RNF145: variants seen among roughly 807,000 people sequenced by gnomAD.
The protein encoded by RNF145 is ring finger protein 145.
RNF145 carries 12 observed loss-of-function variants against 57.3 expected under a neutral mutation model. The ratio of observed to expected loss-of-function variants is 0.21; its 90% CI spans 0.13 to 0.34. The LOEUF (loss-of-function observed/expected upper bound fraction) is 0.34, where lower values mean the gene tolerates loss of function less well. RNF145 is among the 10% of genes least tolerant of loss of function. The pLI is 1.00. For missense variants in RNF145, 429 were observed against 799.0 expected, an observed-to-expected ratio of 0.54 and a Z score of 5.58; for synonymous variants, 262 against 288.3, an observed-to-expected ratio of 0.91 and a Z score of 0.92.
chr5:159,209,724 G>T, upstream of RNF145: 1 of 1,101,342 alleles, frequency 9.1e-7, no homozygotes, highest in Non-Finnish European at 1.3e-6. Context: ...CATACAGCCC[G>T]GCTCGGGTGG....
Position 159,161,291 on chromosome 5 carries a change from T to C in RNF145, c.1601A>G (p.Asn534Ser), listed in dbSNP as rs145440300. Reference protein sequence around the residue: ...IATKEQLEKHNDICAICYQDM... With the variant: ...IATKEQLEKHSDICAICYQDM... ...CTGATAACAGATGGCACAAATATCATTGTGTTTCTCAAGCTGCTCTTTCGT... is the reference window on the plus strand; with the variant it reads ...CTGATAACAGATGGCACAAATATCACTGTGTTTCTCAAGCTGCTCTTTCGT... The change falls in exon 10 of 11, where the codon AAT (asparagine) becomes AGT (serine). Residue 534 changes from asparagine to serine, a missense_variant. By Grantham distance (46) the Asn-to-Ser change is conservative. Around this residue, in one of 4 missense-constraint regions of RNF145, gnomAD observed 216 missense variants for 457.6 expected, o/e 0.47. Coordinates refer to ENST00000424310, the MANE Select transcript of RNF145 (RefSeq NM_001199383.2). 10 of 1,611,038 alleles carry C rather than the reference T, an allele frequency of 6.2e-6. No individual in the cohort carries two copies. The highest frequency in any genetic ancestry group is 4.0e-5 in the African/African-American group (3 of 74,890).
chr5:159,185,473 ATTC>A (rs1423964892), intron 3 of RNF145, among the ~76,000 whole-genome samples: 34 of 152,370 alleles, frequency 2.2e-4, no homozygotes, highest in Non-Finnish European at 4.1e-4. Context: ...GGCATTGAGA[ATTC>A]TTGGTAAATC....
Position 159,165,407 on chromosome 5 carries a change from G to A in RNF145, c.1122-2328C>T, listed in dbSNP as rs1784360021. On this transcript the variant is annotated intron_variant, in intron 8 of 10. Transcript: ENST00000424310. Reference sequence around the variant, plus strand: ...AACATAAAAATAATATCCTGGCCGGGCGCGGTGGCTCACGCCTGTAATCCC... The same window carrying A: ...AACATAAAAATAATATCCTGGCCGGACGCGGTGGCTCACGCCTGTAATCCC... Among the ~76,000 whole-genome samples the A allele has an allele frequency of 1.9e-4, 2 of 10,598 alleles. 1 individual carries two copies. The highest frequency in any genetic ancestry group is 3.1e-4 in the Non-Finnish European group (2 of 6,498). 7.0% of individuals were successfully genotyped at this position (10,598 alleles called of 152,430 possible). A position where few individuals can be genotyped will look rare whatever the true frequency, so the allele number is the denominator to read the frequency against.
At chr5:159,206,459 C>T (rs991931972) in intron 1 of RNF145, among the ~76,000 whole-genome samples, 1 of 152,174 alleles carries the variant, frequency 6.6e-6, no homozygotes, top group African/African-American at 2.4e-5. Context: ...TTACACTACA[C>T]TTTAGCACCA....
At chr5:159,204,999 T>C (rs1053478396) in intron 1 of RNF145, among the ~76,000 whole-genome samples, 2 of 152,290 alleles carry the variant, frequency 1.3e-5, no homozygotes, top group Admixed American at 6.5e-5. Flanking sequence ...CAGAAAATTA[T>C]AGTGACAGAT....
chr5:159,161,639 AAT>A lies in RNF145; in HGVS notation c.1270-19_1270-18del. On this transcript the variant is annotated intron_variant, in intron 9 of 10. Coordinates refer to ENST00000424310, the MANE Select transcript of RNF145 (RefSeq NM_001199383.2). The stretch of plus-strand genomic sequence containing the variant: ...TCCCAGAACCTGAAAAAAAAAAAAA[AAT>A]GTACGTATCTTGAAATATGATCACT... 7 of 1,302,384 alleles carry A rather than the reference AAT, an allele frequency of 5.4e-6. No homozygotes were observed. In the East Asian group the frequency reaches 1.2e-4, roughly 21 times the overall value. 80.7% of individuals were successfully genotyped at this position (1,302,384 alleles called of 1,614,324 possible). A position where few individuals can be genotyped will look rare whatever the true frequency, so the allele number is the denominator to read the frequency against.
intron 6 of RNF145, among the ~76,000 whole-genome samples, chr5:159,170,384 A>G (rs1784507406): frequency 6.6e-6 from 1 of 152,170 alleles, no homozygotes; most frequent in Admixed American, 6.5e-5. Flanking sequence ...ATGCCCAATA[A>G]TTTGCTCCAA....
At chr5:159,200,575 A>T (rs1337739798) in intron 2 of RNF145, among the ~76,000 whole-genome samples, 1 of 152,212 alleles carries the variant, frequency 6.6e-6, no homozygotes, top group Non-Finnish European at 1.5e-5. Context: ...AAAAATAGTA[A>T]GATAAAATAC....
intron 3 of RNF145, 22 bp from the exon 4 acceptor site, chr5:159,182,073 A>G: frequency 7.2e-7 from 1 of 1,382,620 alleles, no homozygotes; most frequent in South Asian, 1.2e-5. Context: ...AATTGATTAG[A>G]ATGTATATAT....
chr5:159,168,276 A>T (rs1322952990), intron 8 of RNF145, among the ~76,000 whole-genome samples: 2 of 152,176 alleles, frequency 1.3e-5, no homozygotes. Flanking sequence ...AGAGAGTTTA[A>T]AATTTTACTG....
intron 1 of RNF145, chr5:159,207,370 A>G: frequency 1.4e-6 from 1 of 725,606 alleles, no homozygotes; most frequent in Non-Finnish European, 2.2e-6. Context: ...TTTTTTTAAA[A>G]AGACAAAGAA....
intron 4 of RNF145, among the ~76,000 whole-genome samples, chr5:159,181,670 G>GAGC (rs1784897146): frequency 6.6e-6 from 1 of 151,604 alleles, no homozygotes; most frequent in East Asian, 1.9e-4. Context: ...ATCTTTCAAA[G>GAGC]TAATAATTAG....
At chr5:159,209,965 ACTC>A, upstream of RNF145, 3 of 1,471,972 alleles carry the variant, frequency 2.0e-6, no homozygotes, top group South Asian at 2.4e-5. Flanking sequence ...TAGACTGTAA[ACTC>A]CTTGGCGTCT....
At chr5:159,184,399 A>C (rs1057380439) in intron 3 of RNF145, among the ~76,000 whole-genome samples, 1 of 152,246 alleles carries the variant, frequency 6.6e-6, no homozygotes, top group East Asian at 1.9e-4. Context: ...TACTGAATAC[A>C]TAAGTGCTGG....
At chr5:159,173,231 T>C (rs1043687673) in intron 6 of RNF145, among the ~76,000 whole-genome samples, 2 of 150,258 alleles carry the variant, frequency 1.3e-5, no homozygotes, top group African/African-American at 4.9e-5. Context: ...CACTATGAGA[T>C]TTTTTTTTTG....
At chr5:159,206,962 A>C (rs1400620762) in intron 1 of RNF145, among the ~76,000 whole-genome samples, 12 of 72,572 alleles carry the variant, frequency 1.7e-4, no homozygotes, top group Non-Finnish European at 4.2e-4. Flanking sequence ...AAAACAAACC[A>C]AAAAAAAAAA....
At chr5:159,173,132 A>T (rs1243747783) in intron 6 of RNF145, among the ~76,000 whole-genome samples, 1 of 152,204 alleles carries the variant, frequency 6.6e-6, no homozygotes, top group Non-Finnish European at 1.5e-5. Context: ...GAGTCTTAGA[A>T]TTATTTTGGG....
At chr5:159,197,450 A>G (rs2113221010) in intron 2 of RNF145, among the ~76,000 whole-genome samples, 1 of 152,368 alleles carries the variant, frequency 6.6e-6, no homozygotes, top group Middle Eastern at 3.4e-3. Context: ...GTAAGAGAAC[A>G]GAAACCAAAA....
intron 9 of RNF145, among the ~76,000 whole-genome samples, chr5:159,161,862 C>T (rs1020196705): frequency 2.0e-5 from 3 of 152,128 alleles, no homozygotes; most frequent in African/African-American, 7.2e-5. Context: ...AAAGCCACAC[C>T]GTCAGACGTG....
Sources: allele counts gnomAD v4.1 joint callset (sites outside exome capture counted in the v4.1 genomes callset), GRCh38; gene constraint gnomAD v4.1.1; regional missense constraint gnomAD v4.1.1; transcripts MANE v1.5; gene names NCBI Gene and HGNC (gene_info 2026-07-23, HGNC 2026-07-21).